Variants in ATP2B2 observed in about 807,000 individuals in gnomAD.
The protein encoded by ATP2B2 is ATPase plasma membrane Ca2+ transporting 2, also known as plasma membrane calcium-transporting ATPase 2.
In ATP2B2, 15 loss-of-function variants were observed where a neutral mutation model predicts 120.0. The ratio of observed to expected loss-of-function variants is 0.12; its 90% CI spans 0.08 to 0.19. The LOEUF is 0.19. ATP2B2 is among the 10% of genes least tolerant of loss of function. ATP2B2 has a pLI of 1.00. For synonymous variants in ATP2B2, 694 were observed against 700.3 expected, an observed-to-expected ratio of 0.99 and a Z score of 0.14; for missense variants, 1,045 against 1,719.8, an observed-to-expected ratio of 0.61 and a Z score of 6.94.
At chr3:10,575,663 A>G (rs185023730) in intron 2 of ATP2B2, among the ~76,000 whole-genome samples, 19 of 152,278 alleles carry the variant, frequency 1.2e-4, no homozygotes, top group Admixed American at 1.0e-3. Context: ...TCTGGGGTAG[A>G]GAGGATGAGA....
At chr3:10,414,208 G>A (rs1575159516) in intron 2 of ATP2B2, among the ~76,000 whole-genome samples, 1 of 152,218 alleles carries the variant, frequency 6.6e-6, no homozygotes, top group South Asian at 2.1e-4. Context: ...TTGATTCCAA[G>A]AGAGGGGGAG....
intron 1 of ATP2B2, among the ~76,000 whole-genome samples, chr3:10,687,197 G>C (rs2071544836): frequency 6.6e-6 from 1 of 152,220 alleles, no homozygotes; most frequent in South Asian, 2.1e-4. Flanking sequence ...GCCTTGGGTA[G>C]CCACTTAACC....
intron 1 of ATP2B2, among the ~76,000 whole-genome samples, chr3:10,464,307 G>A (rs1032790273): frequency 9.9e-5 from 15 of 152,186 alleles, no homozygotes; most frequent in Non-Finnish European, 5.9e-5. Context: ...CCATCTGCGC[G>A]GGGACAGATG....
At chr3:10,549,549 A>G (rs1361988765) in intron 2 of ATP2B2, among the ~76,000 whole-genome samples, 2 of 152,236 alleles carry the variant, frequency 1.3e-5, no homozygotes, top group African/African-American at 2.4e-5. Context: ...GGCAGCAGCA[A>G]TACTAGCATG....
At chr3:10,435,274 C>T (rs2063444852) in intron 2 of ATP2B2, among the ~76,000 whole-genome samples, 1 of 152,200 alleles carries the variant, frequency 6.6e-6, no homozygotes, top group Admixed American at 6.5e-5. Flanking sequence ...TAAATCAGAT[C>T]CCCTGGTCTT....
intron 1 of ATP2B2, among the ~76,000 whole-genome samples, chr3:10,489,412 CT>C (rs1195486130): frequency 6.6e-6 from 1 of 152,242 alleles, no homozygotes; most frequent in East Asian, 1.9e-4. Context: ...CTCCCCGCCC[CT>C]TTAGGTAAGG....
chr3:10,594,670 AC>A (rs2068720868), intron 2 of ATP2B2, among the ~76,000 whole-genome samples: 1 of 151,646 alleles, frequency 6.6e-6, no homozygotes, highest in South Asian at 2.1e-4. Flanking sequence ...TACATATGTA[AC>A]AAACCTGCAC....
intron 14 of ATP2B2, among the ~76,000 whole-genome samples, chr3:10,357,519 A>G (rs574649105): frequency 7.9e-4 from 121 of 152,278 alleles, no homozygotes; most frequent in African/African-American, 2.8e-3. Context: ...TATCCCTTTT[A>G]CCTTAAAGAG....
intron 1 of ATP2B2, among the ~76,000 whole-genome samples, chr3:10,490,410 T>C (rs1291415480): frequency 6.6e-6 from 1 of 150,986 alleles, no homozygotes; most frequent in Non-Finnish European, 1.5e-5. Flanking sequence ...CTTTTTTTTT[T>C]TTTTTTTCTC....
chr3:10,543,174 G>C (rs1218364652), intron 2 of ATP2B2, among the ~76,000 whole-genome samples: 2 of 152,184 alleles, frequency 1.3e-5, no homozygotes, highest in East Asian at 3.8e-4. Context: ...AAAACTTGAT[G>C]AATGTGCTTA....
intron 2 of ATP2B2, among the ~76,000 whole-genome samples, chr3:10,544,384 C>G (rs537009136): frequency 5.9e-5 from 9 of 152,326 alleles, no homozygotes; most frequent in African/African-American, 1.9e-4. Context: ...AAAGTCTGGT[C>G]TCTCATCAAA....
intron 3 of ATP2B2, among the ~76,000 whole-genome samples, chr3:10,409,698 G>A (rs2062540473): frequency 6.6e-6 from 1 of 152,146 alleles, no homozygotes; most frequent in South Asian, 2.1e-4. Flanking sequence ...CTTTGGCTTG[G>A]GAGGGGGCAG....
chr3:10,385,118 G>T, intron 8 of ATP2B2, 150 bp downstream of exon 8: 1 of 796,144 alleles, frequency 1.3e-6, no homozygotes, highest in Non-Finnish European at 2.1e-6. Context: ...TGTCTTAAGC[G>T]CCTGCCCCAT....
At chr3:10,692,706 C>T (rs1305509545) in intron 1 of ATP2B2, among the ~76,000 whole-genome samples, 1 of 152,194 alleles carries the variant, frequency 6.6e-6, no homozygotes, top group Admixed American at 6.5e-5. Flanking sequence ...TGCCTGCTTC[C>T]CTGTCCTCCC....
intron 1 of ATP2B2, among the ~76,000 whole-genome samples, chr3:10,452,371 G>C (rs1163244610): frequency 7.2e-5 from 11 of 152,208 alleles, no homozygotes; most frequent in Admixed American, 7.2e-4. Context: ...CCCAGTCTAG[G>C]GCCAGCCACA....
intron 2 of ATP2B2, among the ~76,000 whole-genome samples, chr3:10,537,092 A>G (rs949777716): frequency 2.0e-5 from 3 of 152,190 alleles, no homozygotes; most frequent in Non-Finnish European, 4.4e-5. Flanking sequence ...TACTCAGTCC[A>G]TTGATCTATG....
intron 1 of ATP2B2, among the ~76,000 whole-genome samples, chr3:10,669,084 G>A (rs2071025052): frequency 6.6e-6 from 1 of 152,210 alleles, no homozygotes; most frequent in Non-Finnish European, 1.5e-5. Flanking sequence ...GAGGGGAGGG[G>A]AATCCTTCTC....
intron 2 of ATP2B2, among the ~76,000 whole-genome samples, chr3:10,433,257 C>G (rs2063376925): frequency 6.6e-6 from 1 of 152,160 alleles, no homozygotes; most frequent in Non-Finnish European, 1.5e-5. Context: ...GGGGCTCACC[C>G]AGGGATTTTC....
upstream of ATP2B2, among the ~76,000 whole-genome samples, chr3:10,507,689 A>G (rs1559428272): frequency 6.6e-6 from 1 of 152,156 alleles, no homozygotes; most frequent in Non-Finnish European, 1.5e-5. Flanking sequence ...CATTTCAACA[A>G]TCACACTGCC....
Sources: allele counts gnomAD v4.1 joint callset (sites outside exome capture counted in the v4.1 genomes callset), GRCh38; gene constraint gnomAD v4.1.1; transcripts MANE v1.5; gene names NCBI Gene and HGNC (gene_info 2026-07-23, HGNC 2026-07-21).